ENTPD3: variants seen among roughly 807,000 people sequenced by gnomAD.
ENTPD3 encodes the protein ectonucleoside triphosphate diphosphohydrolase 3, also known as CD39 antigen-like 3.
A neutral mutation model predicts 51.2 loss-of-function variants in ENTPD3; 60 were observed. That is an observed-to-expected ratio of 1.17 (90% CI 0.95 to 1.45). The LOEUF (loss-of-function observed/expected upper bound fraction) is 1.45. ENTPD3 is among the 40% of genes most tolerant of loss of function. The pLI, the probability that ENTPD3 is intolerant of heterozygous loss-of-function variation, is 0.00. For synonymous variants in ENTPD3, 221 were observed against 238.4 expected (o/e 0.93, Z 0.67); for missense variants, 593 against 641.1 (o/e 0.93, Z 0.81).
chr3:40,413,685 A>G (rs1315454078), intron 5 of ENTPD3, among the ~76,000 whole-genome samples: 1 of 152,220 alleles, frequency 6.6e-6, no homozygotes. Context: ...TGGAACAGAA[A>G]GCTCACCTCT....
At chr3:40,389,371 C>G (rs1955006945) in intron 2 of ENTPD3, among the ~76,000 whole-genome samples, 1 of 152,202 alleles carries the variant, frequency 6.6e-6, no homozygotes, top group Non-Finnish European at 1.5e-5. Flanking sequence ...TACAGGACCT[C>G]TTTACATGCT....
intron 3 of ENTPD3, among the ~76,000 whole-genome samples, chr3:40,397,087 T>C (rs375828792): frequency 8.0e-5 from 12 of 149,980 alleles, no homozygotes; most frequent in African/African-American, 2.7e-4. Flanking sequence ...CCTGGTCTAC[T>C]TCTTGGAGAG....
At chr3:40,419,904 A>G (rs995755408) in intron 7 of ENTPD3, among the ~76,000 whole-genome samples, 6 of 152,212 alleles carry the variant, frequency 3.9e-5, no homozygotes, top group Non-Finnish European at 7.3e-5. Context: ...TGCCCTGCAA[A>G]CACTAAGCTC....
chr3:40,426,487 TAGAA>T (rs1388238308), intron 10 of ENTPD3, among the ~76,000 whole-genome samples: 4 of 152,000 alleles, frequency 2.6e-5, no homozygotes, highest in Admixed American at 1.3e-4. Context: ...AGTAAGATAT[TAGAA>T]AGAAGTGTAA....
Position 40,411,969 on chromosome 3 carries a change from G to A in ENTPD3, c.437+7G>A, listed in dbSNP as rs374168534. 3 of 1,607,010 alleles carry A rather than the reference G, an allele frequency of 1.9e-6. No individual in the cohort carries two copies. The highest frequency in any genetic ancestry group is 2.7e-5 in the African/African-American group (2 of 74,736). ...CTGGGATGCGCTTGCTGAGGTAAAG[G>A]CTAAGTGGCACAAAGGAGCCCATTT... On this transcript the variant is annotated splice_region_variant and intron_variant, in intron 5 of 10. Transcript: ENST00000301825.
Position 40,411,932 on chromosome 3 carries a change from T to A in ENTPD3, c.407T>A (p.Leu136Gln), listed in dbSNP as rs751852666. ...SHLHGSTPIH[L>Q]GATAGMRLLR... is the part of the protein sequence containing the mutation. ...CTCCACGGATCCACCCCCATTCACC[T>A]GGGAGCCACGGCTGGGATGCGCTTG... Residue 136 changes from leucine (L) to glutamine (Q), a missense_variant, in exon 5 of 11, where the codon CTG (leucine) becomes CAG (glutamine). Transcript: ENST00000301825. 4 of 1,611,284 alleles carry A rather than the reference T, an allele frequency of 2.5e-6. No homozygotes were observed. Among genetic ancestry groups the A allele is most frequent in the Admixed American group, 3.4e-5 (2 of 59,544 alleles).
chr3:40,423,407 T>C lies in ENTPD3; in HGVS notation c.1215+6T>C. On this transcript the variant is annotated splice_donor_region_variant and intron_variant, in intron 9 of 10. Transcript: ENST00000301825. ...GCTCACAGAATTGGAGTCAGGTCAG[T>C]ATTTAAAGAGAAGGGATCAATGTCA... 6.3e-7 allele frequency: 1 copy of C among 1,583,494 alleles called. No individual in the cohort carries two copies. Among genetic ancestry groups the C allele is most frequent in the Non-Finnish European group, 8.7e-7 (1 of 1,152,612 alleles).
intron 7 of ENTPD3, among the ~76,000 whole-genome samples, chr3:40,417,806 C>T (rs902194244): frequency 6.6e-6 from 1 of 152,128 alleles, no homozygotes; most frequent in Non-Finnish European, 1.5e-5. Flanking sequence ...CTCCTTTTAC[C>T]TCTAGCAATG....
intron 2 of ENTPD3, among the ~76,000 whole-genome samples, chr3:40,389,515 A>G (rs1398540166): frequency 3.9e-5 from 6 of 152,224 alleles, no homozygotes; most frequent in Non-Finnish European, 8.8e-5. Flanking sequence ...CAAAAGAGTG[A>G]TTGTGAGTCA....
intron 3 of ENTPD3, among the ~76,000 whole-genome samples, chr3:40,397,490 G>T (rs527531115): frequency 1.3e-5 from 2 of 151,688 alleles, no homozygotes; most frequent in Admixed American, 1.3e-4. Context: ...CCCATGTGTC[G>T]AATGGTATGA....
rs1161373698 is a variant in ENTPD3 at position 40,423,961 on chromosome 3, GAAGT to G, written c.1353+3_1353+6del. 1 of 1,614,072 alleles carries G rather than the reference GAAGT, an allele frequency of 6.2e-7. No individual in the cohort carries two copies. Among genetic ancestry groups the G allele is most frequent in the African/African-American group, 1.3e-5 (1 of 75,046 alleles). On this transcript the variant is annotated splice_donor_variant and coding_sequence_variant, in exon 10 of 11. Coordinates refer to ENST00000301825, the MANE Select transcript of ENTPD3 (RefSeq NM_001248.4). LOFTEE classifies it high-confidence loss of function. ...TTGGCCCCAAATACACTTTGAAAAA[GAAGT>G]AAGTTAAGCACAAATCATTTTCTCT...
intron 4 of ENTPD3, among the ~76,000 whole-genome samples, chr3:40,402,330 G>C (rs868304383): frequency 1.3e-5 from 2 of 151,764 alleles, no homozygotes; most frequent in Admixed American, 1.3e-4. Flanking sequence ...TGTTGGCCAG[G>C]CTGGCTTCGA....
At position 40,397,577 on chromosome 3, in the gene ENTPD3, A is replaced by G. The variant is rs570489861; in HGVS notation, c.169-3317A>G. On this transcript the variant is annotated intron_variant, in intron 3 of 10. Coordinates refer to ENST00000301825, the MANE Select transcript of ENTPD3 (RefSeq NM_001248.4). ...AGCACTTTCTGCAGTGCCTAGAATA[A>G]GTGCAGGACAAGGCTTATTACTACT... 1.4e-4 allele frequency among the ~76,000 whole-genome samples: 21 copies of G among 152,284 alleles called. 1 individual carries two copies. Among genetic ancestry groups the G allele is most frequent in the African/African-American group, 4.6e-4 (19 of 41,550 alleles).
intron 7 of ENTPD3, 60 bp downstream of exon 7, chr3:40,416,133 G>C: frequency 8.1e-7 from 1 of 1,230,748 alleles, no homozygotes; most frequent in Non-Finnish European, 1.2e-6. Flanking sequence ...GCTGAGGGGA[G>C]AATGCCCTGC....
intron 4 of ENTPD3, 102 bp downstream of exon 4, chr3:40,401,113 G>A (rs1955345209): frequency 3.5e-6 from 3 of 845,590 alleles, no homozygotes; most frequent in African/African-American, 3.3e-5. Context: ...TGGAGGCAGG[G>A]AATGAGCATT....
At chr3:40,427,001 T>A (rs1176090284) in intron 10 of ENTPD3, among the ~76,000 whole-genome samples, 2 of 152,218 alleles carry the variant, frequency 1.3e-5, no homozygotes, top group Non-Finnish European at 2.9e-5. Context: ...AGGAACACTT[T>A]CACTGTTATT....
chr3:40,411,320 A>AAAATC (rs2125601991), intron 4 of ENTPD3, among the ~76,000 whole-genome samples: 1 of 150,966 alleles, frequency 6.6e-6, no homozygotes, highest in African/African-American at 2.4e-5. Context: ...AAAAGAAAAG[A>AAAATC]AAAAGAAATT....
rs961457956 is a variant in ENTPD3, at chr3:40,400,219, C to T, written c.169-675C>T. On this transcript the variant is annotated intron_variant, in intron 3 of 10. Transcript: ENST00000301825. Reference sequence around the variant, plus strand: ...GGCAGAGTTTGCAGTGAGCTGAGATCGTGCCACTGCAATCCAGCCTGGGTG... The same window carrying T: ...GGCAGAGTTTGCAGTGAGCTGAGATTGTGCCACTGCAATCCAGCCTGGGTG... Among the ~76,000 whole-genome samples, 4 of 147,458 alleles carry T rather than the reference C, an allele frequency of 2.7e-5. No individual in the cohort carries two copies. The South Asian group carries it at 6.4e-4, about 24-fold the overall frequency.
At chr3:40,415,091 T>C (rs1955715809) in intron 6 of ENTPD3, among the ~76,000 whole-genome samples, 1 of 152,016 alleles carries the variant, frequency 6.6e-6, no homozygotes, top group Non-Finnish European at 1.5e-5. Flanking sequence ...TTGTAAGAAA[T>C]TGAAGGGGGT....
Sources: allele counts gnomAD v4.1 joint callset (sites outside exome capture counted in the v4.1 genomes callset), GRCh38; gene constraint gnomAD v4.1.1; transcripts MANE v1.5; gene names NCBI Gene and HGNC (gene_info 2026-07-23, HGNC 2026-07-21).